The following VIPR2 variants were observed in gnomAD, a reference collection of about 807,000 sequenced individuals.
VIPR2 encodes the protein vasoactive intestinal polypeptide receptor 2.
Under a neutral mutation model 58.0 loss-of-function variants are expected in VIPR2, and 48 were observed. The ratio of observed to expected loss-of-function variants is 0.83; its 90% CI spans 0.66 to 1.05. VIPR2 has a LOEUF of 1.05. VIPR2 is among the 50% of genes least tolerant of loss of function. The pLI, the probability that VIPR2 is intolerant of heterozygous loss-of-function variation, is 0.00. For missense variants in VIPR2, 534 were observed against 558.0 expected, an observed-to-expected ratio of 0.96 and a Z score of 0.43; for synonymous variants, 243 against 235.2, an observed-to-expected ratio of 1.03 and a Z score of -0.30.
Position 159,144,864 on chromosome 7 carries a change from G to T in VIPR2, c.-93C>A. 1 of 1,163,752 alleles carries T rather than the reference G, an allele frequency of 8.6e-7. No homozygotes were observed. The highest frequency in any genetic ancestry group is 1.1e-6 in the Non-Finnish European group (1 of 928,664). The allele number at this position is 1,163,752 out of a possible 1,614,324, so 72.1% of individuals were successfully genotyped here. ...CGCCTCCAGCATGGGCCGGGAGCGA[G>T]TGCGCGGAGACCTCGGGCCCCGCAG... is the stretch of plus-strand genomic sequence containing the variant. On this transcript the variant is annotated 5_prime_UTR_variant, in exon 1 of 13. Transcript: ENST00000262178.
rs111247428 is a variant in VIPR2 at position 159,088,896 on chromosome 7, C to T, written c.357+14861G>A. Among the ~76,000 whole-genome samples the T allele has an allele frequency of 8.2e-5, 9 of 110,314 alleles. 1 individual carries two copies. Among genetic ancestry groups the T allele is most frequent in the African/African-American group, 2.5e-4 (7 of 27,880 alleles). 72.4% of individuals were successfully genotyped at this position (110,314 alleles called of 152,430 possible). The stretch of plus-strand genomic sequence containing the variant: ...GAATGGGAATAGCCTCAGGCCTCGG[C>T]TCCTCATCTGTGGAATGGGAATAGC... On this transcript the variant is annotated intron_variant, in intron 4 of 12. Transcript: ENST00000262178.
At chr7:159,030,900 C>G (rs935723066) in intron 12 of VIPR2, 111 bp from the exon 13 acceptor site, 4 of 1,334,736 alleles carry the variant, frequency 3.0e-6, no homozygotes, top group African/African-American at 1.5e-5. Flanking sequence ...GCTCCCGTAT[C>G]TGTGTTGCCA....
intron 4 of VIPR2, among the ~76,000 whole-genome samples, chr7:159,084,110 G>A (rs1195207173): frequency 6.6e-6 from 1 of 152,274 alleles, no homozygotes; most frequent in African/African-American, 2.4e-5. Context: ...ACTTTGCACA[G>A]GGTGCTGTGG....
intron 1 of VIPR2, 121 bp from the exon 2 acceptor site, chr7:159,142,666 G>T (rs1797520679): frequency 3.2e-6 from 2 of 618,844 alleles, no homozygotes; most frequent in Non-Finnish European, 5.5e-6. Context: ...AAACCAAAAT[G>T]CATTTAAAAC....
At position 159,097,585 on chromosome 7, in the gene VIPR2, C is replaced by T. The variant is rs907904751; in HGVS notation, c.357+6172G>A. Among the ~76,000 whole-genome samples, 7 of 152,114 alleles carry T rather than the reference C, an allele frequency of 4.6e-5. No homozygotes were observed. The highest frequency in any genetic ancestry group is 1.0e-4 in the Non-Finnish European group (7 of 68,020). On this transcript the variant is annotated intron_variant, in intron 4 of 12. Coordinates refer to ENST00000262178, the MANE Select transcript of VIPR2 (RefSeq NM_003382.5). The surrounding 1 kb of genome is among the most constrained non-coding windows in gnomAD (Gnocchi z 5.3). Reference sequence around the variant, plus strand: ...CCTGACCCTGACTCAAGGAGGGAGGCCCCCACTCTGTGCTCTTTCATCAGT... The same window carrying T: ...CCTGACCCTGACTCAAGGAGGGAGGTCCCCACTCTGTGCTCTTTCATCAGT...
intron 3 of VIPR2, among the ~76,000 whole-genome samples, chr7:159,107,437 CT>C (rs1452778367): frequency 2.0e-5 from 3 of 152,214 alleles, no homozygotes; most frequent in Admixed American, 1.3e-4. Context: ...TCCCTGCTTC[CT>C]TTGTTCCCCT....
chr7:159,132,864 GACAGAATGATTGGCATACAGATTGATTTC>G lies in VIPR2; in HGVS notation c.151+9553_151+9581del, dbSNP rs1563355319. Among the ~76,000 whole-genome samples, 921 of 120,880 alleles carry G rather than the reference GACAGAATGATTGGCATACAGATTGATTTC, an allele frequency of 7.6e-3. 8 individuals are homozygous for G. Among genetic ancestry groups the G allele is most frequent in the Non-Finnish European group, 0.012 (609 of 52,032 alleles). The allele number at this position is 120,880 out of a possible 152,430, so 79.3% of individuals were successfully genotyped here. ...ATGATTGGCATACCGATTGATTTTAGACAGAATGATTGGCATACAGATTGATTTCAGACAGAATGATTGGCATACAGATT... is the reference window on the plus strand; with the variant it reads ...ATGATTGGCATACCGATTGATTTTAGAGACAGAATGATTGGCATACAGATT... On this transcript the variant is annotated intron_variant, in intron 2 of 12. Transcript: ENST00000262178.
At chr7:159,110,147 C>T (rs116547616) in intron 2 of VIPR2, among the ~76,000 whole-genome samples, 2,777 of 152,204 alleles carry the variant, frequency 0.018, 69 homozygotes, top group African/African-American at 0.063. Flanking sequence ...TACCATGTAC[C>T]TTCTGAATTT....
At chr7:159,114,586 C>G (rs1259774019) in intron 2 of VIPR2, among the ~76,000 whole-genome samples, 1 of 151,356 alleles carries the variant, frequency 6.6e-6, no homozygotes, top group Non-Finnish European at 1.5e-5. Flanking sequence ...TTTTTAAAAC[C>G]CTAAATAAAA....
chr7:159,072,778 C>T (rs1277636890), intron 4 of VIPR2, among the ~76,000 whole-genome samples: 5 of 152,022 alleles, frequency 3.3e-5, no homozygotes, highest in Middle Eastern at 3.4e-3. Flanking sequence ...TTGGTATAGC[C>T]TAATAGAGTA....
intron 4 of VIPR2, among the ~76,000 whole-genome samples, chr7:159,091,524 C>A (rs77740290): frequency 0.089 from 13,582 of 152,296 alleles, 662 homozygotes; most frequent in Middle Eastern, 0.14. Context: ...TGTAATCCCA[C>A]AACTGCAGCC....
At chr7:159,124,525 A>G (rs1286983614) in intron 2 of VIPR2, among the ~76,000 whole-genome samples, 3 of 152,168 alleles carry the variant, frequency 2.0e-5, no homozygotes, top group African/African-American at 7.2e-5. Context: ...TACCACTACC[A>G]TGCTGTTCTG....
At chr7:159,063,479 C>G (rs1009709997) in intron 4 of VIPR2, among the ~76,000 whole-genome samples, 1 of 151,980 alleles carries the variant, frequency 6.6e-6, no homozygotes, top group Non-Finnish European at 1.5e-5. Flanking sequence ...CCGCAAGGGC[C>G]GCGCACAGCC....
At chr7:159,061,682 G>A (rs1231786310) in intron 4 of VIPR2, among the ~76,000 whole-genome samples, 1 of 152,134 alleles carries the variant, frequency 6.6e-6, no homozygotes, top group Non-Finnish European at 1.5e-5. Context: ...AAGAAAAAAA[G>A]TGAAAAATAA....
intron 2 of VIPR2, among the ~76,000 whole-genome samples, chr7:159,130,164 A>G (rs1233179209): frequency 6.6e-6 from 1 of 152,250 alleles, no homozygotes; most frequent in African/African-American, 2.4e-5. Context: ...ACCATACCCC[A>G]TCTTGACTTT....
At chr7:159,054,453 C>A (rs551087254) in intron 5 of VIPR2, among the ~76,000 whole-genome samples, 1 of 152,060 alleles carries the variant, frequency 6.6e-6, no homozygotes, top group Non-Finnish European at 1.5e-5. Flanking sequence ...ATGAAAGGCT[C>A]GAAGACTCCT....
intron 5 of VIPR2, among the ~76,000 whole-genome samples, chr7:159,050,526 A>T (rs145851217): frequency 5.9e-5 from 9 of 152,164 alleles, no homozygotes; most frequent in Non-Finnish European, 1.0e-4. Context: ...AACTTAAAAA[A>T]CCTTGAAATT....
rs1853574142 is a variant in VIPR2 at position 159,031,411 on chromosome 7, C to CA, written c.1143+416_1143+417insT. The CA allele has an allele frequency of 1.0e-6, 1 of 982,842 alleles. No homozygotes were observed. Among genetic ancestry groups the CA allele is most frequent in the South Asian group, 4.7e-5 (1 of 21,248 alleles). The allele number at this position is 982,842 out of a possible 1,614,324, so 60.9% of individuals were successfully genotyped here. On this transcript the variant is annotated intron_variant, in intron 12 of 12. Transcript: ENST00000262178. This position sits in a 1 kb window ranked among gnomAD's most constrained non-coding sequence, Gnocchi z 4.0. ...CTGGGAATGAACGCAGGGCAGAGCT[C>CA]GGCTCCGGGCTTCCTCCCCAGGGAC...
intron 4 of VIPR2, among the ~76,000 whole-genome samples, chr7:159,100,147 G>A (rs1032275977): frequency 6.6e-6 from 1 of 152,176 alleles, no homozygotes; most frequent in East Asian, 1.9e-4. Flanking sequence ...CAGGGAGGGC[G>A]GTGGGGCCAG....
Sources: allele counts gnomAD v4.1 joint callset (sites outside exome capture counted in the v4.1 genomes callset), GRCh38; gene constraint gnomAD v4.1.1; non-coding constraint Gnocchi (gnomAD v3.1); transcripts MANE v1.5; gene names NCBI Gene and HGNC (gene_info 2026-07-23, HGNC 2026-07-21).